KCNQ3: variants seen among roughly 807,000 people sequenced by gnomAD.
The protein encoded by KCNQ3 is potassium voltage-gated channel subfamily Q member 3, also known as potassium voltage-gated channel subfamily KQT member 3.
Under a neutral mutation model 92.5 loss-of-function variants are expected in KCNQ3, and 30 were observed. The ratio of observed to expected loss-of-function variants is 0.32; its 90% CI spans 0.24 to 0.44. The LOEUF is 0.44. Ranked by LOEUF, KCNQ3 falls within the 20% of genes least tolerant of loss-of-function variation. The pLI is 1.00. For synonymous variants in KCNQ3, 450 were observed against 468.8 expected, an observed-to-expected ratio of 0.96 and a Z score of 0.52; for missense variants, 913 against 1,140.3, an observed-to-expected ratio of 0.80 and a Z score of 2.87.
intron 4 of KCNQ3, among the ~76,000 whole-genome samples, chr8:132,179,348 G>T (rs1826675188): frequency 6.6e-6 from 1 of 151,898 alleles, no homozygotes; most frequent in Non-Finnish European, 1.5e-5. Context: ...CCTGGGGGAG[G>T]TGAGCACCAC....
chr8:132,477,960 G>C (rs1188683880), intron 1 of KCNQ3, among the ~76,000 whole-genome samples: 1 of 152,154 alleles, frequency 6.6e-6, no homozygotes, highest in Non-Finnish European at 1.5e-5. Flanking sequence ...TGTGATCGCG[G>C]ACAAGTGATT....
chr8:132,163,550 C>A, intron 8 of KCNQ3, 56 bp from the exon 9 acceptor site: 1 of 1,399,996 alleles, frequency 7.1e-7, no homozygotes, highest in Non-Finnish European at 1.0e-6. Context: ...ACAGCTGTAT[C>A]CTTCCTCGAA....
intron 1 of KCNQ3, among the ~76,000 whole-genome samples, chr8:132,327,897 A>G (rs1210156281): frequency 2.0e-5 from 3 of 152,004 alleles, no homozygotes; most frequent in African/African-American, 7.2e-5. Context: ...CCCCACCTGT[A>G]CTTGTACTAC....
At chr8:132,253,875 G>A (rs987736393) in intron 1 of KCNQ3, among the ~76,000 whole-genome samples, 1 of 152,200 alleles carries the variant, frequency 6.6e-6, no homozygotes, top group Non-Finnish European at 1.5e-5. Flanking sequence ...TAGAAGAAAA[G>A]CTTCTCCTCT....
intron 6 of KCNQ3, among the ~76,000 whole-genome samples, chr8:132,173,261 A>C (rs1405710351): frequency 6.6e-6 from 1 of 152,312 alleles, no homozygotes; most frequent in South Asian, 2.1e-4. Flanking sequence ...AGAGAACTTG[A>C]AGATCTTGCA....
rs139103640 is a variant in KCNQ3 at position 132,182,830 on chromosome 8, G to A, written c.604+1411C>T. On this transcript the variant is annotated intron_variant, in intron 3 of 14. Coordinates refer to ENST00000388996, the MANE Select transcript of KCNQ3 (RefSeq NM_004519.4). ...GATTAGATACTGAAAGAGGGCAAACGAAGAGAGAAGAAAGAAATATGAAAA... is the reference window on the plus strand; with the variant it reads ...GATTAGATACTGAAAGAGGGCAAACAAAGAGAGAAGAAAGAAATATGAAAA... 1.5e-3 allele frequency among the ~76,000 whole-genome samples: 229 copies of A among 151,506 alleles called. 1 individual carries two copies. The highest frequency in any genetic ancestry group is 2.4e-3 in the Non-Finnish European group (165 of 67,886).
At chr8:132,449,488 T>C (rs558633144) in intron 1 of KCNQ3, among the ~76,000 whole-genome samples, 5 of 151,996 alleles carry the variant, frequency 3.3e-5, no homozygotes, top group Non-Finnish European at 5.9e-5. Context: ...CTGCCTCTCA[T>C]GGTTCTGATT....
In KCNQ3 at chr8:132,134,296, G is replaced by C. The variant is rs982723335; in HGVS notation, c.1793C>G (p.Ser598Cys). The change falls in exon 13 of 15, where the codon TCT (serine) becomes TGT (cysteine). Residue 598 changes from serine to cysteine, a missense_variant. This residue lies in a region of KCNQ3 where 375 missense variants were observed against 376.4 expected (regional missense o/e 1.00). Coordinates refer to ENST00000388996, the MANE Select transcript of KCNQ3 (RefSeq NM_004519.4). The part of the protein sequence containing the change: ...GSAFTFPSQQ[S>C]PRNEPYVARP... ...CCATGTCCACTGGCCCCACCTGGGAGATTGCTGGGATGGGAAGGTGAATGC... is the reference window on the plus strand; with the variant it reads ...CCATGTCCACTGGCCCCACCTGGGACATTGCTGGGATGGGAAGGTGAATGC... 6 of 1,613,072 alleles carry C rather than the reference G, an allele frequency of 3.7e-6. No homozygotes were observed. Among genetic ancestry groups the C allele is most frequent in the Non-Finnish European group, 5.1e-6 (6 of 1,179,226 alleles).
intron 1 of KCNQ3, among the ~76,000 whole-genome samples, chr8:132,306,720 TA>T (rs1011197327): frequency 2.6e-5 from 4 of 152,350 alleles, no homozygotes; most frequent in East Asian, 1.9e-4. Context: ...GATGTAGCGG[TA>T]AACTTAGAAA....
chr8:132,338,796 A>G (rs1327118829), intron 1 of KCNQ3, among the ~76,000 whole-genome samples: 10 of 152,248 alleles, frequency 6.6e-5, no homozygotes, highest in Admixed American at 6.5e-4. Flanking sequence ...TGGTCTTCCC[A>G]GTAAGCAATG....
chr8:132,155,411 C>A lies in KCNQ3; in HGVS notation c.1262+8057G>T, dbSNP rs374990250. ...GCTCTACGCCATATGGAAATAACCC[C>A]GGGCCAAGAAAACCTGGAAATATGG... On this transcript the variant is annotated intron_variant, in intron 9 of 14. Transcript: ENST00000388996. Among the ~76,000 whole-genome samples, 50 of 152,196 alleles carry A rather than the reference C, an allele frequency of 3.3e-4. No homozygotes were observed. The East Asian group carries it at 5.0e-3, about 15-fold the overall frequency.
chr8:132,277,438 C>G (rs1220778427), intron 1 of KCNQ3, among the ~76,000 whole-genome samples: 3 of 152,136 alleles, frequency 2.0e-5, no homozygotes, highest in Non-Finnish European at 4.4e-5. Context: ...TGTGGAGGAG[C>G]TACACATTCA....
At chr8:132,356,407 C>G (rs1819018672) in intron 1 of KCNQ3, among the ~76,000 whole-genome samples, 1 of 152,202 alleles carries the variant, frequency 6.6e-6, no homozygotes, top group Non-Finnish European at 1.5e-5. Context: ...GTTTTTAAGA[C>G]TACACATTCA....
rs146459435 is a variant in KCNQ3 at position 132,425,376 on chromosome 8, A to C, written c.386+54771T>G. ...CTAGCTGGGTGCCTTGAGACAAGTA[A>C]ATTCTCTAAGCCTCAATTTCCTCAC... On this transcript the variant is annotated intron_variant, in intron 1 of 14. Transcript: ENST00000388996. Among the ~76,000 whole-genome samples the C allele has an allele frequency of 5.2e-3, 790 of 152,316 alleles. 7 individuals carry two copies. The highest frequency in any genetic ancestry group is 0.018 in the African/African-American group (762 of 41,560).
At chr8:132,244,133 T>A (rs974513670) in intron 1 of KCNQ3, among the ~76,000 whole-genome samples, 2 of 152,216 alleles carry the variant, frequency 1.3e-5, no homozygotes, top group African/African-American at 2.4e-5. Context: ...ACCAGATAGT[T>A]CAGAGTTCTG....
At chr8:132,291,116 G>C (rs973525516) in intron 1 of KCNQ3, among the ~76,000 whole-genome samples, 4 of 152,220 alleles carry the variant, frequency 2.6e-5, no homozygotes, top group African/African-American at 9.6e-5. Flanking sequence ...CAGTAAGCCA[G>C]ACTAGGGTGG....
chr8:132,328,946 CT>C (rs1247794332), intron 1 of KCNQ3, among the ~76,000 whole-genome samples: 1 of 152,178 alleles, frequency 6.6e-6, no homozygotes, highest in African/African-American at 2.4e-5. Context: ...TAATGTAAAT[CT>C]GCTGTCACAT....
chr8:132,144,119 T>C (rs1825381477), intron 9 of KCNQ3, among the ~76,000 whole-genome samples: 1 of 152,256 alleles, frequency 6.6e-6, no homozygotes, highest in South Asian at 2.1e-4. Flanking sequence ...ATTTAAATGC[T>C]TCACTGCCAA....
chr8:132,175,729 C>T, intron 4 of KCNQ3, 121 bp from the exon 5 acceptor site: 1 of 851,548 alleles, frequency 1.2e-6, no homozygotes, highest in African/African-American at 1.7e-5. Flanking sequence ...GGTCAAATCA[C>T]TCACCTTCTC....
Sources: allele counts gnomAD v4.1 joint callset (sites outside exome capture counted in the v4.1 genomes callset), GRCh38; gene constraint gnomAD v4.1.1; regional missense constraint gnomAD v4.1.1; transcripts MANE v1.5; gene names NCBI Gene and HGNC (gene_info 2026-07-23, HGNC 2026-07-21).